The following PDE10A variants were observed in gnomAD, a reference collection of about 807,000 sequenced individuals.
PDE10A encodes cAMP and cAMP-inhibited cGMP 3',5'-cyclic phosphodiesterase 10A.
A neutral mutation model predicts 97.7 loss-of-function variants in PDE10A; 39 were observed. That is an observed-to-expected ratio of 0.40 (90% CI 0.31 to 0.52). PDE10A has a LOEUF of 0.52. PDE10A is among the 20% of genes least tolerant of loss of function. The pLI, the probability that PDE10A is intolerant of heterozygous loss-of-function variation, is 0.56. For synonymous variants in PDE10A, 371 were observed against 376.8 expected (o/e 0.98, Z 0.18); for missense variants, 731 against 1,047.8 (o/e 0.70, Z 4.17).
In PDE10A at chr6:165,708,939, G is replaced by C. The variant is rs188503963; in HGVS notation, c.-614-165371C>G. 5.3e-3 allele frequency among the ~76,000 whole-genome samples: 8 copies of C among 1,512 alleles called. 1 individual carries two copies. The highest frequency in any genetic ancestry group is 0.062 in the East Asian group (2 of 32). 1.0% of individuals were successfully genotyped at this position (1,512 alleles called of 152,430 possible). ...TCCACCCCCATGCTGCCACGCTCAC[G>C]CCCCACTCTCCACCCCCATGCTGCC... On this transcript the variant is annotated intron_variant, in intron 1 of 19. Transcript: ENST00000366882.
intron 1 of PDE10A, chr6:165,940,767 C>G (rs955885168): frequency 1.3e-5 from 2 of 152,214 alleles, no homozygotes; most frequent in South Asian, 4.1e-4. Context: ...TTTAAAAGGT[C>G]TTGAATAAAG....
intron 1 of PDE10A, among the ~76,000 whole-genome samples, chr6:165,749,648 C>T (rs1323319049): frequency 1.3e-5 from 2 of 152,192 alleles, no homozygotes; most frequent in South Asian, 2.1e-4. Flanking sequence ...TTTAATGCAC[C>T]TCCATATTGA....
intron 1 of PDE10A, among the ~76,000 whole-genome samples, chr6:165,960,179 G>A (rs1172211733): frequency 6.6e-6 from 1 of 152,078 alleles, no homozygotes; most frequent in African/African-American, 2.4e-5. Flanking sequence ...AAATCAATGA[G>A]AATCAATAAA....
chr6:165,902,412 G>T (rs1456288585), intron 1 of PDE10A, among the ~76,000 whole-genome samples: 2 of 152,228 alleles, frequency 1.3e-5, no homozygotes, highest in Admixed American at 1.3e-4. Context: ...TCAGCTGACT[G>T]TTTTTTATCC....
chr6:165,963,949 C>T (rs1005799353), intron 1 of PDE10A, among the ~76,000 whole-genome samples: 1 of 152,200 alleles, frequency 6.6e-6, no homozygotes, highest in African/African-American at 2.4e-5. Context: ...GGCAAGAATC[C>T]GTCAGCTAAG....
intron 1 of PDE10A, among the ~76,000 whole-genome samples, chr6:165,742,793 C>G (rs145479797): frequency 5.3e-5 from 8 of 152,228 alleles, no homozygotes; most frequent in East Asian, 3.9e-4. Context: ...TCTTCCACCC[C>G]CTACGTCCCA....
At chr6:165,412,379 A>G (rs1291569871) in intron 13 of PDE10A, among the ~76,000 whole-genome samples, 1 of 152,186 alleles carries the variant, frequency 6.6e-6, no homozygotes, top group Non-Finnish European at 1.5e-5. Flanking sequence ...AAAAATGATA[A>G]AACAGTCAAT....
intron 1 of PDE10A, among the ~76,000 whole-genome samples, chr6:165,606,968 C>T (rs1487630740): frequency 6.6e-6 from 1 of 152,074 alleles, no homozygotes; most frequent in Non-Finnish European, 1.5e-5. Flanking sequence ...CTTCATATTC[C>T]AATATAATAT....
At chr6:165,910,393 C>T (rs766307225) in intron 1 of PDE10A, among the ~76,000 whole-genome samples, 5 of 152,152 alleles carry the variant, frequency 3.3e-5, no homozygotes, top group Non-Finnish European at 7.3e-5. Flanking sequence ...ATAGTCAAAC[C>T]GCATCTAAAT....
intron 1 of PDE10A, among the ~76,000 whole-genome samples, chr6:165,887,438 T>C (rs976199435): frequency 6.6e-6 from 1 of 152,222 alleles, no homozygotes; most frequent in African/African-American, 2.4e-5. Context: ...CATTTTGTAA[T>C]GTAGAATGCA....
In PDE10A at chr6:165,416,248, T is replaced by C; in HGVS notation, c.1830A>G (p.Val610=). The C allele has an allele frequency of 6.2e-7, 1 of 1,613,582 alleles. No homozygotes were observed. Among genetic ancestry groups the C allele is most frequent in the African/African-American group, 1.3e-5 (1 of 75,042 alleles). The change falls in exon 12 of 22, where the codon GTA becomes GTG. Residue 610 remains valine, a synonymous_variant. Transcript: ENST00000539869. ...FSIEKGIAGQ[V]ARTGEVLNIP... ...TGTTCAGGACTTCCCCTGTTCTTGCTACTTGGCCAGCAATTCCTTTCTCAA... is the reference window on the plus strand; with the variant it reads ...TGTTCAGGACTTCCCCTGTTCTTGCCACTTGGCCAGCAATTCCTTTCTCAA...
chr6:165,942,641 G>A (rs1783568970), intron 1 of PDE10A, among the ~76,000 whole-genome samples: 1 of 152,144 alleles, frequency 6.6e-6, no homozygotes, highest in South Asian at 2.1e-4. Flanking sequence ...GTTTCAGCTT[G>A]TTCCATTCAA....
At chr6:165,973,084 G>A (rs1413492759) in intron 1 of PDE10A, among the ~76,000 whole-genome samples, 1 of 151,964 alleles carries the variant, frequency 6.6e-6, no homozygotes, top group Non-Finnish European at 1.5e-5. Flanking sequence ...CAAATAGGTT[G>A]CTCTCCATAA....
chr6:165,446,376 T>C (rs1433855419), intron 5 of PDE10A, among the ~76,000 whole-genome samples: 1 of 152,192 alleles, frequency 6.6e-6, no homozygotes, highest in Non-Finnish European at 1.5e-5. Context: ...AGTAATCATG[T>C]AGATACATCT....
At chr6:165,894,122 A>G in intron 1 of PDE10A, 1 of 357,826 alleles carries the variant, frequency 2.8e-6, no homozygotes, top group South Asian at 2.1e-5. Context: ...GTGCTCTAAG[A>G]ATAAAATATG....
At chr6:165,839,185 A>G (rs922191099) in intron 1 of PDE10A, among the ~76,000 whole-genome samples, 4 of 152,218 alleles carry the variant, frequency 2.6e-5, no homozygotes, top group African/African-American at 9.6e-5. Flanking sequence ...CCTTCCTCAC[A>G]AGGGTGTTGA....
At chr6:165,702,620 C>T (rs1293787577) in intron 1 of PDE10A, among the ~76,000 whole-genome samples, 1 of 152,160 alleles carries the variant, frequency 6.6e-6, no homozygotes, top group Non-Finnish European at 1.5e-5. Context: ...CAGCGGGTGG[C>T]CCACCTGTGA....
chr6:165,603,481 G>A (rs1419794410), intron 1 of PDE10A, among the ~76,000 whole-genome samples: 2 of 152,210 alleles, frequency 1.3e-5, no homozygotes, highest in Non-Finnish European at 2.9e-5. Context: ...TGAAAACATA[G>A]GAAATAGCTA....
At chr6:165,555,034 G>T (rs1297079853) in intron 1 of PDE10A, among the ~76,000 whole-genome samples, 1 of 152,130 alleles carries the variant, frequency 6.6e-6, no homozygotes, top group Non-Finnish European at 1.5e-5. Flanking sequence ...AGTGTAGTAG[G>T]GGGCTAGGAG....
Sources: gnomAD v4.1 joint callset for allele counts (sites outside exome capture counted in the v4.1 genomes callset) on GRCh38, gnomAD v4.1.1 for gene constraint, MANE v1.5 for transcripts, NCBI Gene and HGNC (gene_info 2026-07-23, HGNC 2026-07-21) for gene names.